Variants in RALYL observed in about 807,000 individuals in gnomAD.
RALYL encodes RNA-binding Raly-like protein.
A neutral mutation model predicts 35.1 loss-of-function variants in RALYL; 29 were observed. The observed-to-expected ratio is 0.83, with a 90% CI of 0.61 to 1.13. The LOEUF (loss-of-function observed/expected upper bound fraction) is 1.13, where lower values mean the gene tolerates loss of function less well. Ranked by LOEUF, RALYL falls within the 50% of genes most tolerant of loss-of-function variation. The pLI, the probability that RALYL is intolerant of heterozygous loss-of-function variation, is 0.00. For synonymous variants in RALYL, 120 were observed against 127.6 expected (o/e 0.94, Z 0.40); for missense variants, 359 against 360.4 (o/e 1.00, Z 0.03).
At chr8:84,858,351 A>G (rs1429519741) in intron 5 of RALYL, among the ~76,000 whole-genome samples, 1 of 152,208 alleles carries the variant, frequency 6.6e-6, no homozygotes, top group Non-Finnish European at 1.5e-5. Context: ...GGAAAGAATT[A>G]TTATTATATG....
At chr8:84,407,570 A>G (rs1373338132) in intron 1 of RALYL, among the ~76,000 whole-genome samples, 5 of 152,094 alleles carry the variant, frequency 3.3e-5, no homozygotes, top group African/African-American at 9.7e-5. Context: ...TACTTTACAT[A>G]TCTCTTGAGG....
At chr8:84,484,274 C>T (rs1020727142) in intron 1 of RALYL, among the ~76,000 whole-genome samples, 1 of 151,956 alleles carries the variant, frequency 6.6e-6, no homozygotes, top group Non-Finnish European at 1.5e-5. Context: ...CTAAGAAAAC[C>T]ACAGCAAGAA....
chr8:84,664,348 G>GT lies in RALYL; in HGVS notation c.257-110225dup, dbSNP rs527771409. On this transcript the variant is annotated intron_variant, in intron 2 of 8. Transcript: ENST00000521268. ...TGGTTCCGTATGAATTTTAAAATAG[G>GT]TTTTTTCTAGTTCTGTGAAGAATAT... 2.2e-4 allele frequency among the ~76,000 whole-genome samples: 30 copies of GT among 137,680 alleles called. No homozygotes were observed. In the South Asian group the frequency reaches 5.3e-3, roughly 24 times the overall value. The allele number at this position is 137,680 out of a possible 152,430, so 90.3% of individuals were successfully genotyped here.
At chr8:84,577,885 T>A (rs1457197750) in intron 2 of RALYL, among the ~76,000 whole-genome samples, 1 of 152,166 alleles carries the variant, frequency 6.6e-6, no homozygotes, top group Non-Finnish European at 1.5e-5. Flanking sequence ...ACATAGTAAA[T>A]AGAGCACCCT....
intron 1 of RALYL, among the ~76,000 whole-genome samples, chr8:84,381,822 T>A (rs1858053185): frequency 6.6e-6 from 1 of 151,850 alleles, no homozygotes; most frequent in Non-Finnish European, 1.5e-5. Context: ...TGTGACATTA[T>A]TTTTCTTTGG....
intron 1 of RALYL, among the ~76,000 whole-genome samples, chr8:84,441,190 G>A (rs1278803413): frequency 6.6e-6 from 1 of 152,028 alleles, no homozygotes; most frequent in Non-Finnish European, 1.5e-5. Flanking sequence ...TTTCTTTTAA[G>A]AAGACTTCAC....
At chr8:84,199,961 T>C (rs1255369523) in intron 1 of RALYL, among the ~76,000 whole-genome samples, 1 of 152,152 alleles carries the variant, frequency 6.6e-6, no homozygotes, top group East Asian at 1.9e-4. Context: ...GCCTGGGAGT[T>C]CTGTAGATCC....
At chr8:84,740,631 T>G (rs1344100773) in intron 2 of RALYL, among the ~76,000 whole-genome samples, 1 of 152,020 alleles carries the variant, frequency 6.6e-6, no homozygotes, top group Admixed American at 6.6e-5. Flanking sequence ...CTTAATTATT[T>G]TGCATAACTG....
chr8:84,818,619 T>C (rs1284572235), intron 4 of RALYL, among the ~76,000 whole-genome samples: 1 of 152,180 alleles, frequency 6.6e-6, no homozygotes, highest in Non-Finnish European at 1.5e-5. Flanking sequence ...TGAGAAATTA[T>C]CCTAATACAA....
chr8:84,497,808 A>G (rs1418050724), intron 1 of RALYL, among the ~76,000 whole-genome samples: 1 of 151,306 alleles, frequency 6.6e-6, no homozygotes, highest in East Asian at 1.9e-4. Context: ...CAGCCAGCTA[A>G]TTTTTTGTGT....
chr8:84,227,877 C>T (rs1449274231), intron 1 of RALYL, among the ~76,000 whole-genome samples: 3 of 151,960 alleles, frequency 2.0e-5, no homozygotes. Flanking sequence ...TCATAAATGG[C>T]ATTTATGTAT....
Position 84,352,481 on chromosome 8 carries a change from A to C in RALYL, c.-24+168057A>C, listed in dbSNP as rs182082985. Among the ~76,000 whole-genome samples, 296 of 150,464 alleles carry C rather than the reference A, an allele frequency of 2.0e-3. 20 individuals are homozygous for C. Among genetic ancestry groups the C allele is most frequent in the African/African-American group, 6.7e-3 (270 of 40,530 alleles). On this transcript the variant is annotated intron_variant, in intron 1 of 8. Coordinates refer to ENST00000521268, the MANE Select transcript of RALYL (RefSeq NM_173848.7). ...GTTATGCTTTTGTAATATTCCTGAG[A>C]GTGTATACCACTTTTGTTCCTATTT... is the stretch of plus-strand genomic sequence containing the variant.
chr8:84,649,739 G>T (rs1828302173), intron 2 of RALYL, among the ~76,000 whole-genome samples: 1 of 152,008 alleles, frequency 6.6e-6, no homozygotes, highest in South Asian at 2.1e-4. Context: ...TGTTCTTTTG[G>T]CTTAGGATTG....
At chr8:84,434,863 C>T (rs981467822) in intron 1 of RALYL, among the ~76,000 whole-genome samples, 4 of 152,106 alleles carry the variant, frequency 2.6e-5, no homozygotes, top group Admixed American at 6.6e-5. Context: ...ATTGCCCAGA[C>T]TGAATAATAT....
At chr8:84,644,088 T>C (rs1826964169) in intron 2 of RALYL, among the ~76,000 whole-genome samples, 1 of 151,920 alleles carries the variant, frequency 6.6e-6, no homozygotes, top group African/African-American at 2.4e-5. Context: ...TAAGGGAGTG[T>C]ATGGTGAGAG....
At chr8:84,197,388 C>T (rs1395354874) in intron 1 of RALYL, among the ~76,000 whole-genome samples, 1 of 152,138 alleles carries the variant, frequency 6.6e-6, no homozygotes, top group Non-Finnish European at 1.5e-5. Flanking sequence ...CATGTTTACC[C>T]ATTTTTAGGT....
At chr8:84,750,304 C>A (rs765154441) in intron 2 of RALYL, among the ~76,000 whole-genome samples, 1 of 152,120 alleles carries the variant, frequency 6.6e-6, no homozygotes, top group Non-Finnish European at 1.5e-5. Flanking sequence ...CAAAATACAG[C>A]GGTTTTTAAC....
At chr8:84,644,350 T>A (rs182771022) in intron 2 of RALYL, among the ~76,000 whole-genome samples, 1 of 152,172 alleles carries the variant, frequency 6.6e-6, no homozygotes, top group African/African-American at 2.4e-5. Flanking sequence ...ATATTGAACA[T>A]CTTGTATGAG....
At chr8:84,916,108 TAAAAGG>T (rs367829942) in intron 8 of RALYL, among the ~76,000 whole-genome samples, 35 of 152,122 alleles carry the variant, frequency 2.3e-4, no homozygotes, top group African/African-American at 6.5e-4. Context: ...GAAACAATCA[TAAAAGG>T]AAAAGGAAAA....
Sources: gnomAD v4.1 joint callset for allele counts (sites outside exome capture counted in the v4.1 genomes callset) on GRCh38, gnomAD v4.1.1 for gene constraint, MANE v1.5 for transcripts, NCBI Gene and HGNC (gene_info 2026-07-23, HGNC 2026-07-21) for gene names.